The following ZBTB46 variants were observed in gnomAD, a reference collection of about 807,000 sequenced individuals.
ZBTB46 encodes the protein zinc finger and BTB domain-containing protein 46.
In ZBTB46, 8 loss-of-function variants were observed where a neutral mutation model predicts 44.1. The ratio of observed to expected loss-of-function variants is 0.18; its 90% confidence interval spans 0.11 to 0.33. The LOEUF is 0.33. ZBTB46 is among the 10% of genes least tolerant of loss of function. ZBTB46 has a pLI of 1.00. For synonymous variants in ZBTB46, 409 were observed against 382.3 expected, an observed-to-expected ratio of 1.07 and a Z score of -0.81; for missense variants, 651 against 847.7, an observed-to-expected ratio of 0.77 and a Z score of 2.88.
chr20:63,803,393 CCAAGA>C lies in ZBTB46; in HGVS notation c.-33-12608_-33-12604del. The stretch of plus-strand genomic sequence containing the variant: ...AGTGAGCTCCTGACTAGAAAACACT[CCAAGA>C]CATGTTAGCAGAGTCGTCTTTCGAC... On this transcript the variant is annotated intron_variant, in intron 1 of 4. Coordinates refer to ENST00000245663, the MANE Select transcript of ZBTB46 (RefSeq NM_001369741.1). This position sits in a 1 kb window ranked among gnomAD's most constrained non-coding sequence, Gnocchi z 4.0. The C allele has an allele frequency of 1.0e-6, 1 of 985,490 alleles. No individual in the cohort carries two copies. The highest frequency in any genetic ancestry group is 1.2e-6 in the Non-Finnish European group (1 of 829,942). The allele number at this position is 985,490 out of a possible 1,614,324, so 61.0% of individuals were successfully genotyped here.
At chr20:63,818,387 G>A (rs1346607409) in intron 1 of ZBTB46, among the ~76,000 whole-genome samples, 4 of 152,334 alleles carry the variant, frequency 2.6e-5, no homozygotes, top group South Asian at 2.1e-4. Context: ...CTGGGTCTTC[G>A]TGAGGAGGAG....
chr20:63,824,441 A>C (rs552928106), intron 1 of ZBTB46, among the ~76,000 whole-genome samples: 98 of 152,298 alleles, frequency 6.4e-4, no homozygotes, highest in Admixed American at 6.3e-3. Context: ...AAGACAAGAA[A>C]GACTACAGAC....
Position 63,815,982 on chromosome 20 carries a change from C to T in ZBTB46, c.-34+15115G>A, listed in dbSNP as rs1362483561. On this transcript the variant is annotated intron_variant, in intron 1 of 4. Transcript: ENST00000245663. ...GTGCAGTGGGTGCAGGTACAGTGGG[C>T]GCAGGTGCAGTGGGCACAGGTGGGC... Among the ~76,000 whole-genome samples the T allele has an allele frequency of 5.1e-3, 573 of 111,684 alleles. 6 individuals are homozygous for T. Among genetic ancestry groups the T allele is most frequent in the African/African-American group, 0.019 (489 of 26,144 alleles). 73.3% of individuals were successfully genotyped at this position (111,684 alleles called of 152,430 possible).
intron 3 of ZBTB46, among the ~76,000 whole-genome samples, chr20:63,773,412 T>G (rs2092393345): frequency 6.6e-6 from 1 of 151,988 alleles, no homozygotes; most frequent in South Asian, 2.1e-4. Flanking sequence ...CTTGTAGGGA[T>G]GGGGTTTCCC....
chr20:63,751,779 C>A (rs1161285652), intron 4 of ZBTB46, among the ~76,000 whole-genome samples: 1 of 101,218 alleles, frequency 9.9e-6, no homozygotes, highest in Non-Finnish European at 2.0e-5. Context: ...CCCGGTGGGT[C>A]TCCCCATGAA....
At chr20:63,833,650 G>A (rs2092861843), upstream of ZBTB46, among the ~76,000 whole-genome samples, 1 of 152,142 alleles carries the variant, frequency 6.6e-6, no homozygotes, top group South Asian at 2.1e-4. Context: ...ATGAGGCTCT[G>A]GGCCCCCTCT....
At chr20:63,775,030 G>A (rs2092412462) in intron 3 of ZBTB46, among the ~76,000 whole-genome samples, 1 of 152,124 alleles carries the variant, frequency 6.6e-6, no homozygotes, top group African/African-American at 2.4e-5. Context: ...TCCGAAAGCT[G>A]AATGCCCCCG....
upstream of ZBTB46, among the ~76,000 whole-genome samples, chr20:63,832,392 C>T (rs1169890544): frequency 1.3e-5 from 2 of 151,836 alleles, no homozygotes; most frequent in African/African-American, 4.8e-5. The surrounding 1 kb of genome is among the most constrained non-coding windows in gnomAD (Gnocchi z 5.0). Flanking sequence ...GCCCGGCCAA[C>T]CAATGGGGAG....
At chr20:63,811,212 G>A (rs747418920) in intron 1 of ZBTB46, among the ~76,000 whole-genome samples, 1 of 151,942 alleles carries the variant, frequency 6.6e-6, no homozygotes, top group Non-Finnish European at 1.5e-5. Flanking sequence ...GGGCGAGTCT[G>A]GGTCCCAGAA....
At chr20:63,796,171 C>T (rs1484363035) in intron 1 of ZBTB46, among the ~76,000 whole-genome samples, 1 of 152,222 alleles carries the variant, frequency 6.6e-6, no homozygotes, top group Non-Finnish European at 1.5e-5. Context: ...TCCCCGCGTC[C>T]CTAAGGAGCT....
intron 2 of ZBTB46, among the ~76,000 whole-genome samples, chr20:63,778,828 G>A (rs527887319): frequency 5.9e-5 from 9 of 152,206 alleles, no homozygotes; most frequent in Admixed American, 1.3e-4. Context: ...CCAAACTTAT[G>A]TTAAGGCTTT....
rs190515142 is a variant in ZBTB46, at chr20:63,822,147, C to T, written c.-34+8950G>A. 3.3e-4 allele frequency among the ~76,000 whole-genome samples: 50 copies of T among 152,312 alleles called. No homozygotes were observed. The East Asian group carries it at 7.1e-3, about 22-fold the overall frequency. On this transcript the variant is annotated intron_variant, in intron 1 of 4. Transcript: ENST00000245663. ...AAACATGAACACAGCCCTGATCAAG[C>T]GGAACCGATACACTCCCGAAACAGG...
intron 3 of ZBTB46, among the ~76,000 whole-genome samples, chr20:63,761,727 A>G (rs2092279482): frequency 6.6e-6 from 1 of 151,102 alleles, no homozygotes; most frequent in African/African-American, 2.4e-5. Context: ...GGTTGCAGTG[A>G]GCAGACATCG....
intron 2 of ZBTB46, among the ~76,000 whole-genome samples, chr20:63,789,006 C>T (rs555505389): frequency 4.0e-5 from 6 of 151,256 alleles, no homozygotes; most frequent in African/African-American, 1.5e-4. Flanking sequence ...TTAGTAGAGA[C>T]GGGGTTCTCC....
intron 1 of ZBTB46, among the ~76,000 whole-genome samples, chr20:63,798,821 G>C (rs1448883518): frequency 6.7e-6 from 1 of 149,752 alleles, no homozygotes; most frequent in Non-Finnish European, 1.5e-5. Context: ...TCCAGCCTGG[G>C]TGACAGAGCG....
At chr20:63,783,875 C>CGTGCTG (rs1568864457) in intron 2 of ZBTB46, among the ~76,000 whole-genome samples, 1 of 152,194 alleles carries the variant, frequency 6.6e-6, no homozygotes, top group African/African-American at 2.4e-5. Context: ...TCAGATCTGC[C>CGTGCTG]GTGCTGCTGA....
chr20:63,793,683 A>C (rs2092578895), intron 1 of ZBTB46, among the ~76,000 whole-genome samples: 1 of 152,244 alleles, frequency 6.6e-6, no homozygotes, highest in South Asian at 2.1e-4. Context: ...CGGCTACCTC[A>C]CAACGGTCCA....
intron 1 of ZBTB46, among the ~76,000 whole-genome samples, chr20:63,805,328 G>C (rs1289165238): frequency 2.0e-5 from 3 of 152,196 alleles, no homozygotes; most frequent in African/African-American, 7.2e-5. Context: ...GGGCAGTGTG[G>C]TACACACCTC....
intron 2 of ZBTB46, among the ~76,000 whole-genome samples, chr20:63,779,232 A>T (rs61270001): frequency 1.3e-3 from 41 of 31,862 alleles, no homozygotes; most frequent in South Asian, 5.4e-3. Flanking sequence ...TTATTTAATT[A>T]ATTAATTAAT....
Sources: gnomAD v4.1 joint callset for allele counts (sites outside exome capture counted in the v4.1 genomes callset) on GRCh38, gnomAD v4.1.1 for gene constraint, Gnocchi (gnomAD v3.1) non-coding constraint, MANE v1.5 for transcripts, NCBI Gene and HGNC (gene_info 2026-07-23, HGNC 2026-07-21) for gene names.